Variants in TCF12 observed in about 807,000 individuals in gnomAD.
The protein encoded by TCF12 is transcription factor 12, also known as DNA-binding protein HTF4.
Under a neutral mutation model 86.0 loss-of-function variants are expected in TCF12, and 45 were observed. The ratio of observed to expected loss-of-function variants is 0.52; its 90% CI spans 0.41 to 0.67. The LOEUF (loss-of-function observed/expected upper bound fraction) is 0.67, where lower values mean the gene tolerates loss of function less well. Among genes scored for constraint, TCF12 ranks in the 30% least tolerant of loss-of-function variants. The probability of loss-of-function intolerance (pLI) is 0.00; values close to 1 mark genes in which losing one functional copy is unlikely to be tolerated. For missense variants in TCF12, 881 were observed against 859.9 expected, an observed-to-expected ratio of 1.02 and a Z score of -0.31; for synonymous variants, 330 against 299.6, an observed-to-expected ratio of 1.10 and a Z score of -1.05.
intron 3 of TCF12, among the ~76,000 whole-genome samples, chr15:57,020,519 G>A (rs2065413969): frequency 6.6e-6 from 1 of 152,094 alleles, no homozygotes; most frequent in Non-Finnish European, 1.5e-5. Flanking sequence ...TAATTTCTGT[G>A]TATTATATTT....
intron 5 of TCF12, among the ~76,000 whole-genome samples, chr15:57,154,854 A>G (rs1271436887): frequency 2.0e-5 from 3 of 152,344 alleles, no homozygotes; most frequent in East Asian, 1.9e-4. Flanking sequence ...TAAGATATAT[A>G]TAGTCAATAT....
intron 4 of TCF12, among the ~76,000 whole-genome samples, chr15:57,074,273 A>T (rs565297020): frequency 1.3e-5 from 2 of 151,812 alleles, no homozygotes; most frequent in African/African-American, 4.8e-5. Context: ...TAATAGAGGA[A>T]GTTTTATACA....
chr15:56,955,545 G>A (rs1010291844), intron 3 of TCF12, among the ~76,000 whole-genome samples: 3 of 152,090 alleles, frequency 2.0e-5, no homozygotes. Flanking sequence ...AGAACCTAAA[G>A]TATAATAAAA....
chr15:57,154,960 C>G (rs1242090402), intron 5 of TCF12, among the ~76,000 whole-genome samples: 1 of 152,118 alleles, frequency 6.6e-6, no homozygotes, highest in African/African-American at 2.4e-5. Flanking sequence ...TGTCACTGTT[C>G]CACGCACTTA....
intron 6 of TCF12, among the ~76,000 whole-genome samples, chr15:57,179,251 C>T (rs2056168258): frequency 6.6e-6 from 1 of 152,214 alleles, no homozygotes; most frequent in East Asian, 1.9e-4. Context: ...TTTTGGGAGG[C>T]TGAGGCAGGC....
intron 3 of TCF12, among the ~76,000 whole-genome samples, chr15:56,934,005 T>G (rs1323544560): frequency 6.6e-6 from 1 of 152,074 alleles, no homozygotes; most frequent in Non-Finnish European, 1.5e-5. Context: ...TCTTATAAAT[T>G]CATCAGAATC....
At chr15:57,001,066 GAGTGCAGT>G (rs1334568497) in intron 3 of TCF12, among the ~76,000 whole-genome samples, 10 of 147,458 alleles carry the variant, frequency 6.8e-5, no homozygotes, top group African/African-American at 2.5e-4. Flanking sequence ...ACCCAGGCTG[GAGTGCAGT>G]GGCGCGATCT....
chr15:57,195,908 G>A (rs1193627945), intron 7 of TCF12, among the ~76,000 whole-genome samples: 1 of 152,192 alleles, frequency 6.6e-6, no homozygotes, highest in African/African-American at 2.4e-5. Context: ...GGAGACCAAG[G>A]CAGGGGAATT....
At chr15:57,050,112 A>G (rs893662427) in intron 3 of TCF12, among the ~76,000 whole-genome samples, 5 of 152,122 alleles carry the variant, frequency 3.3e-5, no homozygotes, top group African/African-American at 1.2e-4. Context: ...TATTCTGTAT[A>G]CCTCTTCCTA....
chr15:57,125,460 G>A (rs1388380017), intron 5 of TCF12, among the ~76,000 whole-genome samples: 1 of 152,122 alleles, frequency 6.6e-6, no homozygotes, highest in Non-Finnish European at 1.5e-5. Flanking sequence ...GTTACACGAG[G>A]CAAACCTACA....
chr15:57,050,144 C>T (rs375898388), intron 3 of TCF12, among the ~76,000 whole-genome samples: 1 of 152,242 alleles, frequency 6.6e-6, no homozygotes. Context: ...ACAAATGTTG[C>T]AAGGTTTTCA....
At chr15:56,956,468 G>A (rs1371784046) in intron 3 of TCF12, among the ~76,000 whole-genome samples, 1 of 151,930 alleles carries the variant, frequency 6.6e-6, no homozygotes, top group East Asian at 1.9e-4. Context: ...AGTTAATGGA[G>A]TTACCATTCC....
intron 5 of TCF12, among the ~76,000 whole-genome samples, chr15:57,163,771 C>G (rs2054662559): frequency 6.6e-6 from 1 of 152,158 alleles, no homozygotes; most frequent in Non-Finnish European, 1.5e-5. Context: ...GGATTGTACA[C>G]TTGCAATTCT....
intron 18 of TCF12, among the ~76,000 whole-genome samples, chr15:57,268,350 T>A (rs1214492973): frequency 6.6e-6 from 1 of 152,180 alleles, no homozygotes; most frequent in Non-Finnish European, 1.5e-5. Context: ...TGATTTTCTT[T>A]TGTCAAAAGA....
chr15:56,952,749 G>T (rs772326825), intron 3 of TCF12, among the ~76,000 whole-genome samples: 11 of 152,022 alleles, frequency 7.2e-5, no homozygotes, highest in Non-Finnish European at 1.2e-4. Context: ...CACTAATTCT[G>T]GTACTTTCTG....
chr15:56,967,008 G>A (rs1230571555), intron 3 of TCF12, among the ~76,000 whole-genome samples: 2 of 152,110 alleles, frequency 1.3e-5, no homozygotes, highest in Admixed American at 6.6e-5. Context: ...TGTAATCTCA[G>A]CTACTCGGGA....
intron 3 of TCF12, among the ~76,000 whole-genome samples, chr15:57,017,486 G>A (rs1260398124): frequency 1.3e-5 from 2 of 152,178 alleles, no homozygotes; most frequent in East Asian, 3.8e-4. Flanking sequence ...AGAACCATAT[G>A]GGCAAAGCCA....
intron 1 of TCF12, 190 bp from the exon 2 acceptor site, chr15:56,919,702 T>C (rs1179042277): frequency 1.8e-5 from 8 of 433,878 alleles, no homozygotes; most frequent in African/African-American, 1.7e-4. Context: ...AACGCGTGGA[T>C]TCCGGGACCC....
At chr15:57,271,693 C>T (rs186455855) in intron 18 of TCF12, among the ~76,000 whole-genome samples, 4 of 152,218 alleles carry the variant, frequency 2.6e-5, no homozygotes, top group African/African-American at 9.6e-5. Context: ...GAGCTGTAGA[C>T]CAGAGCTGTT....
Sources: gnomAD v4.1 joint callset for allele counts (sites outside exome capture counted in the v4.1 genomes callset) on GRCh38, gnomAD v4.1.1 for gene constraint, MANE v1.5 for transcripts, NCBI Gene and HGNC (gene_info 2026-07-23, HGNC 2026-07-21) for gene names.